The following GPC3 variants were observed in gnomAD, a reference collection of about 807,000 sequenced individuals.
GPC3 encodes the protein glypican 3.
GPC3 carries 3 observed loss-of-function variants against 34.4 expected under a neutral mutation model. The ratio of observed to expected loss-of-function variants is 0.09; its 90% CI spans 0.04 to 0.23. GPC3 has a LOEUF of 0.23. Among genes scored for constraint, GPC3 ranks in the 10% least tolerant of loss-of-function variants. GPC3 has a pLI of 1.00. For missense variants in GPC3, 351 were observed against 445.6 expected, an observed-to-expected ratio of 0.79 and a Z score of 1.91; for synonymous variants, 177 against 174.0, an observed-to-expected ratio of 1.02 and a Z score of -0.13.
chrX:133,596,023 T>C (rs1341588976), intron 7 of GPC3, among the ~76,000 whole-genome samples: 1 of 111,954 alleles, frequency 8.9e-6, no homozygotes, highest in Non-Finnish European at 1.9e-5. Flanking sequence ...TTGTTTTAAG[T>C]TCAGGGGTAC....
chrX:133,698,891 C>A (rs2071139430), intron 4 of GPC3, among the ~76,000 whole-genome samples: 1 of 111,966 alleles, frequency 8.9e-6, no homozygotes, highest in African/African-American at 3.3e-5. Flanking sequence ...CAGATACTCT[C>A]CTGTTGTTTC....
Position 133,754,093 on chromosome X carries a change from C to A in GPC3, c.421G>T (p.Ala141Ser), listed in dbSNP as rs1360346581. 8.3e-7 allele frequency: 1 copy of A among 1,206,614 alleles called. No individual in the cohort carries two copies. ...AAAAATTCACCCACAAACTCAAAAGCTTGTGGAGTCAGGCTTGGGTAGTTG... is the reference window on the plus strand; with the variant it reads ...AAAAATTCACCCACAAACTCAAAAGATTGTGGAGTCAGGCTTGGGTAGTTG... Reference protein sequence around the residue: ...KNNYPSLTPQAFEFVGEFFTD... With the variant: ...KNNYPSLTPQSFEFVGEFFTD... The change falls in exon 3 of 8, where the codon GCT (alanine) becomes TCT (serine). Residue 141 changes from alanine (A) to serine (S), a missense_variant. By Grantham distance (99) the Ala-to-Ser change is moderately conservative. Coordinates refer to ENST00000370818, the MANE Select transcript of GPC3 (RefSeq NM_004484.4).
chrX:133,939,778 G>T (rs1266166020), intron 2 of GPC3, among the ~76,000 whole-genome samples: 2 of 111,598 alleles, frequency 1.8e-5, no homozygotes, highest in Non-Finnish European at 3.8e-5. Context: ...ACTTAAATTT[G>T]TTGAAGATGT....
chrX:133,644,689 T>A (rs1842169246), intron 6 of GPC3, among the ~76,000 whole-genome samples: 1 of 112,206 alleles, frequency 8.9e-6, no homozygotes. Context: ...AATATATATG[T>A]GAAATAAATG....
chrX:133,619,741 T>G (rs184778077), intron 6 of GPC3, among the ~76,000 whole-genome samples: 1 of 111,006 alleles, frequency 9.0e-6, no homozygotes, highest in East Asian at 2.9e-4. Context: ...AGGTGATGGT[T>G]GCAGAACTTG....
At chrX:133,838,484 C>T (rs1223345309) in intron 2 of GPC3, among the ~76,000 whole-genome samples, 3 of 112,308 alleles carry the variant, frequency 2.7e-5, no homozygotes, top group African/African-American at 6.5e-5. Flanking sequence ...TTGGAAATAT[C>T]GTGTTTGAAA....
intron 2 of GPC3, among the ~76,000 whole-genome samples, chrX:133,822,441 G>A (rs755865447): frequency 2.7e-5 from 3 of 112,062 alleles, no homozygotes; most frequent in Non-Finnish European, 5.6e-5. Flanking sequence ...ATCATATGCT[G>A]AGGTTGCTAA....
At chrX:133,715,966 C>T (rs1024025427) in intron 3 of GPC3, among the ~76,000 whole-genome samples, 2 of 111,572 alleles carry the variant, frequency 1.8e-5, no homozygotes, top group Non-Finnish European at 3.8e-5. Flanking sequence ...GCCCAGCATA[C>T]ACAAAGAGCA....
At chrX:133,929,357 T>C (rs903131932) in intron 2 of GPC3, among the ~76,000 whole-genome samples, 1 of 111,894 alleles carries the variant, frequency 8.9e-6, no homozygotes, top group Non-Finnish European at 1.9e-5. Context: ...CATGTCTAAA[T>C]ACTGTATGCA....
At chrX:133,679,368 A>G (rs2070916959) in intron 5 of GPC3, among the ~76,000 whole-genome samples, 1 of 111,615 alleles carries the variant, frequency 9.0e-6, no homozygotes, top group African/African-American at 3.3e-5. Flanking sequence ...AAAACATCTC[A>G]TATGCGTTTT....
At chrX:133,819,150 C>G (rs1326083013) in intron 2 of GPC3, among the ~76,000 whole-genome samples, 9 of 64,942 alleles carry the variant, frequency 1.4e-4, no homozygotes, top group East Asian at 1.4e-3. Context: ...CCCCTCCCCC[C>G]ACCCCACAAC....
intron 6 of GPC3, among the ~76,000 whole-genome samples, chrX:133,613,529 G>T (rs918517340): frequency 8.9e-6 from 1 of 111,826 alleles, no homozygotes; most frequent in African/African-American, 3.2e-5. Flanking sequence ...AATAATCTCT[G>T]CCCTGGAAAA....
Position 133,763,156 on chromosome X carries a change from C to T in GPC3, c.338-8980G>A, listed in dbSNP as rs1603242509. 5.5e-6 allele frequency: 4 copies of T among 729,945 alleles called. No individual in the cohort carries two copies. In the East Asian group the frequency reaches 1.3e-4, roughly 23 times the overall value. 60.2% of individuals were successfully genotyped at this position (729,945 alleles called of 1,213,427 possible). ...CCAGGCAGCCTTTCAGGAGCCGCAG[C>T]TTCTTGTGGTTACTGACCCCAGGGC... On this transcript the variant is annotated intron_variant, in intron 2 of 7. Coordinates refer to ENST00000370818, the MANE Select transcript of GPC3 (RefSeq NM_004484.4).
intron 6 of GPC3, among the ~76,000 whole-genome samples, chrX:133,633,837 A>G (rs1055772898): frequency 8.9e-5 from 10 of 112,014 alleles, no homozygotes; most frequent in Admixed American, 6.7e-4. Flanking sequence ...ATGAATTGCT[A>G]TGGACCATGT....
chrX:133,606,764 C>T (rs952890690), intron 6 of GPC3, among the ~76,000 whole-genome samples: 5 of 111,649 alleles, frequency 4.5e-5, no homozygotes, highest in Admixed American at 3.8e-4. Context: ...CATGTTTCTT[C>T]TCTATGAGTA....
chrX:133,972,555 T>A (rs1362594739), intron 1 of GPC3, among the ~76,000 whole-genome samples: 4 of 112,514 alleles, frequency 3.6e-5, no homozygotes, highest in Non-Finnish European at 7.5e-5. Context: ...TTACAAATTA[T>A]TAGCCACTGA....
chrX:133,768,039 T>C (rs1030785417), intron 2 of GPC3, among the ~76,000 whole-genome samples: 1 of 110,880 alleles, frequency 9.0e-6, no homozygotes, highest in East Asian at 2.8e-4. Flanking sequence ...GCCGTGTTGC[T>C]CTAATGAAGT....
At chrX:133,812,064 A>C (rs1207740378) in intron 2 of GPC3, among the ~76,000 whole-genome samples, 1 of 112,298 alleles carries the variant, frequency 8.9e-6, no homozygotes, top group Admixed American at 9.4e-5. Flanking sequence ...TGAAGACCCA[A>C]AGACATATTT....
chrX:133,668,236 C>T (rs754885984), intron 5 of GPC3, among the ~76,000 whole-genome samples: 10 of 111,551 alleles, frequency 9.0e-5, no homozygotes, highest in South Asian at 3.8e-4. Flanking sequence ...GAGGTAACTC[C>T]GACCTGCCTA....
Sources: gnomAD v4.1 joint callset for allele counts (sites outside exome capture counted in the v4.1 genomes callset) on GRCh38, gnomAD v4.1.1 for gene constraint, MANE v1.5 for transcripts, NCBI Gene and HGNC (gene_info 2026-07-23, HGNC 2026-07-21) for gene names.